The following CSMD1 variants were observed in gnomAD, a reference collection of about 807,000 sequenced individuals.
The protein encoded by CSMD1 is CUB and Sushi multiple domains 1.
CSMD1 carries 213 observed loss-of-function variants against 417.5 expected under a neutral mutation model. The observed-to-expected ratio is 0.51, with a 90% CI of 0.46 to 0.57. The LOEUF (loss-of-function observed/expected upper bound fraction) is 0.57, where lower values mean the gene tolerates loss of function less well. Ranked by LOEUF, CSMD1 falls within the 20% of genes least tolerant of loss-of-function variation. The probability of loss-of-function intolerance (pLI) is 0.00; values close to 1 mark genes in which losing one functional copy is unlikely to be tolerated. For synonymous variants in CSMD1, 2,862 were observed against 1,736.8 expected, an observed-to-expected ratio of 1.65 and a Z score of -16.11; for missense variants, 6,923 against 4,529.7, an observed-to-expected ratio of 1.53 and a Z score of -15.17.
At chr8:3,160,105 G>C (rs1819788376) in intron 38 of CSMD1, among the ~76,000 whole-genome samples, 1 of 152,060 alleles carries the variant, frequency 6.6e-6, no homozygotes, top group African/African-American at 2.4e-5. Flanking sequence ...AGATCCTTGA[G>C]ATATGAAAGA....
intron 2 of CSMD1, among the ~76,000 whole-genome samples, chr8:4,495,109 C>G (rs1283839388): frequency 6.6e-6 from 1 of 152,144 alleles, no homozygotes; most frequent in African/African-American, 2.4e-5. Flanking sequence ...GCTTCTAAAA[C>G]ACATGGACAA....
rs183455728 is a variant in CSMD1, at chr8:4,240,245, A to G, written c.415+179708T>C. Among the ~76,000 whole-genome samples, 816 of 152,314 alleles carry G rather than the reference A, an allele frequency of 5.4e-3. 4 individuals carry two copies. Among genetic ancestry groups the G allele is most frequent in the African/African-American group, 0.018 (761 of 41,570 alleles). On this transcript the variant is annotated intron_variant, in intron 3 of 69. Transcript: ENST00000635120. The stretch of plus-strand genomic sequence containing the variant: ...AGCGTAGCTTGTGCTAACCTGTTTC[A>G]TGAGGGGCTGGCAGCCTTTTCACTG...
At chr8:3,508,132 C>A (rs1309046156) in intron 10 of CSMD1, among the ~76,000 whole-genome samples, 1 of 152,094 alleles carries the variant, frequency 6.6e-6, no homozygotes, top group East Asian at 1.9e-4. Context: ...AGACAAAAAA[C>A]CAAACACCAC....
chr8:3,513,168 A>G lies in CSMD1; in HGVS notation c.1345-19442T>C, dbSNP rs560870490. On this transcript the variant is annotated intron_variant, in intron 10 of 69. Transcript: ENST00000635120. The stretch of plus-strand genomic sequence containing the variant: ...CTTTATGGATTCAGCTACAATGCCT[A>G]GACTTTACTCTGGCAAACTTTGGGA... Among the ~76,000 whole-genome samples, 3 of 151,806 alleles carry G rather than the reference A, an allele frequency of 2.0e-5. No individual in the cohort carries two copies. The South Asian group carries it at 6.3e-4, about 32-fold the overall frequency.
At chr8:3,102,845 C>G (rs1441023145) in intron 46 of CSMD1, among the ~76,000 whole-genome samples, 1 of 152,206 alleles carries the variant, frequency 6.6e-6, no homozygotes, top group East Asian at 1.9e-4. Flanking sequence ...CTAGGCTTCT[C>G]CTGGGCCTTG....
At chr8:3,750,885 G>A (rs1451087721) in intron 6 of CSMD1, among the ~76,000 whole-genome samples, 2 of 152,098 alleles carry the variant, frequency 1.3e-5, no homozygotes, top group East Asian at 3.9e-4. Context: ...TAACAGTTCT[G>A]CCCTCTGGAT....
chr8:3,538,588 G>A (rs1232575552), intron 10 of CSMD1, among the ~76,000 whole-genome samples: 1 of 152,260 alleles, frequency 6.6e-6, no homozygotes, highest in Non-Finnish European at 1.5e-5. Context: ...CTGTGATTGT[G>A]TGCCCACAAA....
intron 5 of CSMD1, among the ~76,000 whole-genome samples, chr8:3,756,565 G>C (rs1376497814): frequency 6.6e-6 from 1 of 152,032 alleles, no homozygotes; most frequent in African/African-American, 2.4e-5. Context: ...ATAGCTAATA[G>C]TATCCAAAGC....
chr8:3,008,440 G>A lies in CSMD1; in HGVS notation c.8030-8309C>T, dbSNP rs369399871. 6.6e-5 allele frequency among the ~76,000 whole-genome samples: 10 copies of A among 152,330 alleles called. No homozygotes were observed. In the East Asian group the frequency reaches 7.7e-4, roughly 12 times the overall value. The stretch of plus-strand genomic sequence containing the variant: ...TCAACACGGGAGAGCAGGGGCCTCC[G>A]CAAGGCCAGCCTCTCAAAGCCTTTG... On this transcript the variant is annotated intron_variant, in intron 52 of 69. Coordinates refer to ENST00000635120, the MANE Select transcript of CSMD1 (RefSeq NM_033225.6).
At chr8:4,517,548 C>T (rs772927665) in intron 2 of CSMD1, among the ~76,000 whole-genome samples, 21 of 152,116 alleles carry the variant, frequency 1.4e-4, no homozygotes, top group Non-Finnish European at 3.1e-4. Context: ...CCCTTTACTG[C>T]TTTATTCTAC....
At chr8:4,282,051 G>A (rs542369162) in intron 3 of CSMD1, among the ~76,000 whole-genome samples, 27 of 152,116 alleles carry the variant, frequency 1.8e-4, no homozygotes, top group Non-Finnish European at 2.9e-4. Flanking sequence ...CACTTTCCCT[G>A]GGTTGTAGCA....
chr8:4,596,369 T>C (rs997268288), intron 2 of CSMD1, among the ~76,000 whole-genome samples: 2 of 152,214 alleles, frequency 1.3e-5, no homozygotes, highest in Non-Finnish European at 2.9e-5. Flanking sequence ...AGGGAGACTT[T>C]CTGGAAAAAT....
chr8:4,138,248 T>TC (rs1803558535), intron 3 of CSMD1, among the ~76,000 whole-genome samples: 1 of 150,800 alleles, frequency 6.6e-6, no homozygotes, highest in Admixed American at 6.6e-5. Context: ...TGATGGGTTT[T>TC]CCTTTTCTCC....
chr8:3,891,164 G>C (rs957610069), intron 5 of CSMD1, among the ~76,000 whole-genome samples: 2 of 151,744 alleles, frequency 1.3e-5, no homozygotes, highest in Admixed American at 6.6e-5. Flanking sequence ...TCCTCCCTCA[G>C]CCTCCCAAGA....
At chr8:4,610,148 C>A (rs1475397823) in intron 2 of CSMD1, among the ~76,000 whole-genome samples, 1 of 152,014 alleles carries the variant, frequency 6.6e-6, no homozygotes, top group Non-Finnish European at 1.5e-5. Flanking sequence ...AGGTTATGAA[C>A]ACCTTTTCTT....
chr8:3,524,867 C>T (rs1797690001), intron 10 of CSMD1, among the ~76,000 whole-genome samples: 1 of 149,830 alleles, frequency 6.7e-6, no homozygotes, highest in South Asian at 2.1e-4. Flanking sequence ...TTTAACATCA[C>T]TGTATTTAAG....
At position 2,962,481 on chromosome 8, in the gene CSMD1, G is replaced by C. The variant is rs1422987732; in HGVS notation, c.9613C>G (p.Gln3205Glu). 4 of 1,613,780 alleles carry C rather than the reference G, an allele frequency of 2.5e-6. No homozygotes were observed. Among genetic ancestry groups the C allele is most frequent in the African/African-American group, 1.3e-5 (1 of 75,064 alleles). ...TAATTATTACCAATGCAGGTGGGTT[G>C]TATGCCGCTCCACGTGCCGTCAGCT... Reference protein sequence around the residue: ...CQADGTWSGIQPTCIDPAHNT... With the variant: ...CQADGTWSGIEPTCIDPAHNT... Residue 3205 changes from glutamine (Q) to glutamate (E), a missense_variant, in exon 61 of 70, where the codon CAA (glutamine) becomes GAA (glutamate). Gln to Glu is a conservative substitution (Grantham distance 29). Transcript: ENST00000635120.
At chr8:4,434,871 T>A (rs977049307) in intron 2 of CSMD1, among the ~76,000 whole-genome samples, 1 of 152,152 alleles carries the variant, frequency 6.6e-6, no homozygotes, top group Admixed American at 6.5e-5. Context: ...ACAAACTACA[T>A]CTTTTTCCTC....
intron 2 of CSMD1, among the ~76,000 whole-genome samples, chr8:4,448,417 T>C (rs1034968010): frequency 6.6e-6 from 1 of 152,208 alleles, no homozygotes; most frequent in African/African-American, 2.4e-5. Context: ...CTGTGTGCCC[T>C]GATGCAGATT....
Sources: gnomAD v4.1 joint callset for allele counts (sites outside exome capture counted in the v4.1 genomes callset) on GRCh38, gnomAD v4.1.1 for gene constraint, MANE v1.5 for transcripts, NCBI Gene and HGNC (gene_info 2026-07-23, HGNC 2026-07-21) for gene names.